Variants in MGAM observed in about 807,000 individuals in gnomAD.
The protein encoded by MGAM is alpha-1,4-glucosidase.
MGAM carries 253 observed loss-of-function variants against 358.8 expected under a neutral mutation model. That is an observed-to-expected ratio of 0.71 (90% confidence interval 0.64 to 0.78). The LOEUF is 0.78. MGAM is among the 30% of genes least tolerant of loss of function. MGAM has a pLI of 0.00. For missense variants in MGAM, 3,080 were observed against 3,432.6 expected, an observed-to-expected ratio of 0.90 and a Z score of 2.57; for synonymous variants, 1,105 against 1,227.1, an observed-to-expected ratio of 0.90 and a Z score of 2.08.
chr7:142,040,660 G>C, intron 20 of MGAM, 62 bp from the exon 21 acceptor site: 4 of 1,588,678 alleles, frequency 2.5e-6, no homozygotes, highest in Non-Finnish European at 3.4e-6. Flanking sequence ...CAGGCATGTA[G>C]ATAATCAGTG....
At chr7:142,055,848 A>T in intron 28 of MGAM, 122 bp downstream of exon 28, 1 of 1,495,648 alleles carries the variant, frequency 6.7e-7, no homozygotes, top group Admixed American at 2.0e-5. Context: ...CAAGTGGGCC[A>T]ATTCTCAGGC....
intron 33 of MGAM, 136 bp from the exon 34 acceptor site, chr7:142,060,175 T>C (rs1811993363): frequency 1.1e-5 from 15 of 1,361,630 alleles, no homozygotes; most frequent in Non-Finnish European, 1.1e-5. Context: ...GAGTTCACTT[T>C]TCTTTTATGT....
At position 142,047,832 on chromosome 7, in the gene MGAM, A is replaced by T; in HGVS notation, c.2546A>T (p.Glu849Val). The change falls in exon 22 of 71, where the codon GAA (glutamate) becomes GTA (valine). Residue 849 changes from glutamate (E) to valine (V), a missense_variant. Physicochemically the swap from Glu to Val is moderately radical, Grantham distance 121. Transcript: ENST00000475668. ...GLIIALDENK[E>V]AKGELFWDNG... Reference sequence around the variant, plus strand: ...ATCATTGCCCTAGATGAGAACAAAGAAGCAAAAGGAGAACTTTTCTGGGAT... The same window carrying T: ...ATCATTGCCCTAGATGAGAACAAAGTAGCAAAAGGAGAACTTTTCTGGGAT... The T allele has an allele frequency of 6.2e-7, 1 of 1,612,602 alleles. No individual in the cohort carries two copies. Among genetic ancestry groups the T allele is most frequent in the Non-Finnish European group, 8.5e-7 (1 of 1,178,730 alleles).
At chr7:142,057,763 C>T (rs2129037069) in intron 30 of MGAM, among the ~76,000 whole-genome samples, 1 of 152,192 alleles carries the variant, frequency 6.6e-6, no homozygotes, top group Non-Finnish European at 1.5e-5. Context: ...CATGTTAGAG[C>T]ATTTCACACA....
chr7:141,986,666 T>A (rs112429059), intron 2 of MGAM, among the ~76,000 whole-genome samples: 2,018 of 152,322 alleles, frequency 0.013, 21 homozygotes, highest in Non-Finnish European at 0.021. Context: ...CAGAATTTAG[T>A]GTTTGATGTT....
In MGAM at chr7:142,095,690, T is replaced by A; in HGVS notation, c.7584T>A (p.Thr2528=). The A allele has an allele frequency of 6.2e-7, 1 of 1,614,002 alleles. No individual in the cohort carries two copies. ...LMHKAHTEGV[T]VVRPLLHEFV... ...ATAAGGCCCACACGGAGGGCGTCAC[T>A]GTTGTGCGGCCTCTGCTCCATGAGT... Residue 2528 remains threonine, a synonymous_variant, in exon 64 of 71, where the codon ACT becomes ACA. Transcript: ENST00000475668.
intron 21 of MGAM, among the ~76,000 whole-genome samples, chr7:142,045,259 A>C (rs1563157163): frequency 1.3e-5 from 1 of 76,750 alleles, no homozygotes; most frequent in Non-Finnish European, 2.4e-5. Context: ...ATGATATATA[A>C]TATATATTAT....
chr7:142,044,170 A>T (rs1195198214), intron 21 of MGAM, among the ~76,000 whole-genome samples: 1 of 143,010 alleles, frequency 7.0e-6, no homozygotes, highest in African/African-American at 2.5e-5. Flanking sequence ...TAATATATAC[A>T]TTATATACAC....
intron 21 of MGAM, among the ~76,000 whole-genome samples, chr7:142,042,723 A>C (rs1409869805): frequency 1.4e-5 from 1 of 71,042 alleles, no homozygotes; most frequent in East Asian, 4.1e-4. Flanking sequence ...TATTACATAT[A>C]TTATATATAC....
At chr7:141,988,565 A>G (rs1313231877) in intron 2 of MGAM, among the ~76,000 whole-genome samples, 5 of 152,024 alleles carry the variant, frequency 3.3e-5, no homozygotes, top group Non-Finnish European at 5.9e-5. Context: ...GGGTTTCACC[A>G]TGTTGACCAG....
At chr7:142,103,152 C>T in intron 69 of MGAM, 117 bp from the exon 70 acceptor site, 1 of 851,100 alleles carries the variant, frequency 1.2e-6, no homozygotes, top group Non-Finnish European at 1.8e-6. Context: ...TCCAAAGTTA[C>T]AAGATGGTGA....
chr7:142,010,245 C>T (rs1805499165), intron 3 of MGAM, among the ~76,000 whole-genome samples: 1 of 152,072 alleles, frequency 6.6e-6, no homozygotes, highest in Non-Finnish European at 1.5e-5. Flanking sequence ...AAAAAGATCA[C>T]TCGATTATCT....
chr7:142,047,730 G>T, intron 21 of MGAM, 55 bp from the exon 22 acceptor site: 1 of 1,499,216 alleles, frequency 6.7e-7, no homozygotes, highest in Middle Eastern at 1.7e-4. Context: ...TTCTCAGCTC[G>T]GCTGGCAAAA....
At chr7:142,056,969 A>T (rs371963043) in intron 30 of MGAM, 27 bp downstream of exon 30, 38 of 1,608,398 alleles carry the variant, frequency 2.4e-5, no homozygotes, top group Non-Finnish European at 2.8e-5. Context: ...TTGTTTATCA[A>T]GTACTTACAC....
At chr7:142,000,272 T>C (rs564303931) in intron 1 of MGAM, among the ~76,000 whole-genome samples, 2 of 152,288 alleles carry the variant, frequency 1.3e-5, no homozygotes, top group African/African-American at 4.8e-5. Flanking sequence ...AAGGCTTGAA[T>C]AGGGGTAGAG....
upstream of MGAM, among the ~76,000 whole-genome samples, chr7:141,995,002 G>T (rs912810214): frequency 7.2e-5 from 11 of 152,164 alleles, no homozygotes; most frequent in African/African-American, 2.7e-4. Flanking sequence ...TGTGACACTG[G>T]TTGTGTGACT....
At chr7:142,018,611 A>G (rs1483022156) in intron 3 of MGAM, among the ~76,000 whole-genome samples, 3 of 152,186 alleles carry the variant, frequency 2.0e-5, no homozygotes, top group Non-Finnish European at 4.4e-5. Flanking sequence ...TACTTGATTC[A>G]GTCATTAATT....
At chr7:142,071,149 A>T (rs753216619) in intron 44 of MGAM, 31 bp downstream of exon 44, 2 of 1,531,162 alleles carry the variant, frequency 1.3e-6, no homozygotes, top group South Asian at 2.3e-5. Context: ...TTTCCTTTAC[A>T]TTTCAGTTAG....
chr7:142,013,444 T>C (rs573173126), intron 3 of MGAM, among the ~76,000 whole-genome samples: 3 of 152,324 alleles, frequency 2.0e-5, no homozygotes, highest in Non-Finnish European at 2.9e-5. Context: ...CTGTAGTTGC[T>C]GAAGTTTTGA....
Sources: allele counts gnomAD v4.1 joint callset (sites outside exome capture counted in the v4.1 genomes callset), GRCh38; gene constraint gnomAD v4.1.1; transcripts MANE v1.5; gene names NCBI Gene and HGNC (gene_info 2026-07-23, HGNC 2026-07-21).